The following KIF13B variants were observed in gnomAD, a reference collection of about 807,000 sequenced individuals.
KIF13B encodes kinesin family member 13B.
KIF13B carries 127 observed loss-of-function variants against 222.0 expected under a neutral mutation model. The observed-to-expected ratio is 0.57, with a 90% CI of 0.50 to 0.66. KIF13B has a LOEUF of 0.66. Ranked by LOEUF, KIF13B falls within the 30% of genes least tolerant of loss-of-function variation. The pLI, the probability that KIF13B is intolerant of heterozygous loss-of-function variation, is 0.00. For missense variants in KIF13B, 2,173 were observed against 2,379.0 expected, an observed-to-expected ratio of 0.91 and a Z score of 1.80; for synonymous variants, 976 against 919.0, an observed-to-expected ratio of 1.06 and a Z score of -1.12.
chr8:29,091,081 C>T (rs561452815), intron 37 of KIF13B, among the ~76,000 whole-genome samples: 5 of 152,284 alleles, frequency 3.3e-5, no homozygotes, highest in South Asian at 2.1e-4. Flanking sequence ...CAAACCTTTG[C>T]TCATATGTGC....
rs975836913 is a variant in KIF13B at position 29,118,989 on chromosome 8, T to C, written c.3539A>G (p.Asp1180Gly). 6.8e-6 allele frequency: 11 copies of C among 1,613,044 alleles called. No homozygotes were observed. Among genetic ancestry groups the C allele is most frequent in the African/African-American group, 1.3e-5 (1 of 74,886 alleles). ...AAGATTATCCTGAGAGCTGAAATCA[T>C]CAGCTAAAAGCAAAGAAGTTCCATT... ...IPVIFLDLNA[D>G]DFSSQDNLDD... Residue 1180 changes from aspartate to glycine, a missense_variant, in exon 30 of 40, where the codon GAT becomes GGT. By Grantham distance (94) the Asp-to-Gly change is moderately conservative. Transcript: ENST00000524189.
At chr8:29,080,839 C>T (rs1807777184) in intron 37 of KIF13B, among the ~76,000 whole-genome samples, 2 of 152,158 alleles carry the variant, frequency 1.3e-5, no homozygotes, top group Non-Finnish European at 2.9e-5. Context: ...CCTCGAAGGA[C>T]TCAACACCAG....
At position 29,192,018 on chromosome 8, in the gene KIF13B, T is replaced by A. The variant is rs17059764; in HGVS notation, c.163-961A>T. Reference sequence around the variant, plus strand: ...TTTGCAGGTACATCTTAGCAGGGAGTGTTTATTTTATGGTTTACATGATTG... The same window carrying A: ...TTTGCAGGTACATCTTAGCAGGGAGAGTTTATTTTATGGTTTACATGATTG... On this transcript the variant is annotated intron_variant, in intron 3 of 39. Transcript: ENST00000524189. Among the ~76,000 whole-genome samples, 660 of 151,940 alleles carry A rather than the reference T, an allele frequency of 4.3e-3. 5 individuals carry two copies. The highest frequency in any genetic ancestry group is 0.015 in the South Asian group (71 of 4,802).
chr8:29,145,346 G>C (rs1025602961), intron 18 of KIF13B, among the ~76,000 whole-genome samples: 1 of 152,144 alleles, frequency 6.6e-6, no homozygotes, highest in Admixed American at 6.6e-5. Context: ...TGTAATCCTT[G>C]CTATCAAATT....
chr8:29,169,302 C>A (rs1173207450), intron 10 of KIF13B, among the ~76,000 whole-genome samples: 1 of 152,128 alleles, frequency 6.6e-6, no homozygotes, highest in Non-Finnish European at 1.5e-5. Flanking sequence ...TGCACTCTGC[C>A]TAAAAATCTA....
At chr8:29,125,371 T>C (rs1810062425) in intron 26 of KIF13B, among the ~76,000 whole-genome samples, 1 of 152,208 alleles carries the variant, frequency 6.6e-6, no homozygotes, top group Non-Finnish European at 1.5e-5. Flanking sequence ...TGGGCTTTAC[T>C]AGGGCACTTA....
At chr8:29,230,942 C>T (rs1400810504) in intron 2 of KIF13B, among the ~76,000 whole-genome samples, 1 of 152,212 alleles carries the variant, frequency 6.6e-6, no homozygotes, top group South Asian at 2.1e-4. Context: ...TGCAATCACA[C>T]CATCACGGCT....
intron 3 of KIF13B, among the ~76,000 whole-genome samples, chr8:29,193,840 C>T (rs1439627361): frequency 2.0e-5 from 3 of 152,106 alleles, no homozygotes; most frequent in African/African-American, 4.8e-5. Flanking sequence ...TTTTTTGAGA[C>T]GGAGTCTCGC....
At chr8:29,209,204 G>A (rs1457799152) in intron 2 of KIF13B, among the ~76,000 whole-genome samples, 1 of 152,158 alleles carries the variant, frequency 6.6e-6, no homozygotes, top group African/African-American at 2.4e-5. Context: ...AAAACCAGAT[G>A]AGAGGCACCA....
chr8:29,125,139 T>C (rs1322070962), intron 26 of KIF13B, among the ~76,000 whole-genome samples: 1 of 152,218 alleles, frequency 6.6e-6, no homozygotes, highest in Non-Finnish European at 1.5e-5. Context: ...GCTTTCTATA[T>C]GTCAAAACAG....
intron 23 of KIF13B, among the ~76,000 whole-genome samples, chr8:29,132,009 G>T (rs1810365160): frequency 6.6e-6 from 1 of 152,214 alleles, no homozygotes; most frequent in South Asian, 2.1e-4. Flanking sequence ...CACTTTGGGA[G>T]GGTGAGGTGG....
intron 2 of KIF13B, among the ~76,000 whole-genome samples, chr8:29,213,051 T>C (rs1472701547): frequency 6.6e-6 from 1 of 152,096 alleles, no homozygotes. Context: ...TACTCTGCAC[T>C]AAGAGTAAGC....
chr8:29,098,934 G>C (rs1295729306), intron 36 of KIF13B, among the ~76,000 whole-genome samples, 199 bp downstream of exon 36: 3 of 152,178 alleles, frequency 2.0e-5, no homozygotes, highest in Non-Finnish European at 2.9e-5. Context: ...ATCATGATCA[G>C]GCGGTATATA....
chr8:29,156,169 C>A (rs1355708250), intron 13 of KIF13B, among the ~76,000 whole-genome samples: 1 of 152,094 alleles, frequency 6.6e-6, no homozygotes, highest in African/African-American at 2.4e-5. Context: ...CAGGGTTTCA[C>A]CATGTTGGCC....
chr8:29,248,562 CCAG>C (rs959897983), intron 1 of KIF13B, among the ~76,000 whole-genome samples: 9 of 152,154 alleles, frequency 5.9e-5, no homozygotes, highest in Non-Finnish European at 7.3e-5. Context: ...CCTTATAAAA[CCAG>C]CAGATCTCGT....
At chr8:29,172,515 T>C (rs886541172) in intron 10 of KIF13B, among the ~76,000 whole-genome samples, 4 of 152,224 alleles carry the variant, frequency 2.6e-5, no homozygotes, top group African/African-American at 9.7e-5. Context: ...TAAAAAATGT[T>C]ATGGTTTCAT....
intron 2 of KIF13B, among the ~76,000 whole-genome samples, chr8:29,196,754 C>T (rs1266247612): frequency 1.3e-5 from 2 of 152,090 alleles, no homozygotes; most frequent in Non-Finnish European, 2.9e-5. Flanking sequence ...TTTTGGGTTT[C>T]GTATTTTTTC....
At position 29,154,188 on chromosome 8, in the gene KIF13B, G is replaced by A. The variant is rs151021359; in HGVS notation, c.1535+1538C>T. ...AAAGATTAGGTGGGTGTGGTAACAC[G>A]CACCTGTAGTCCCAGCTACTCAGCA... On this transcript the variant is annotated intron_variant, in intron 14 of 39. Coordinates refer to ENST00000524189, the MANE Select transcript of KIF13B (RefSeq NM_015254.4). 6.5e-3 allele frequency among the ~76,000 whole-genome samples: 993 copies of A among 152,208 alleles called. 14 individuals carry two copies. Among genetic ancestry groups the A allele is most frequent in the African/African-American group, 0.022 (903 of 41,542 alleles).
chr8:29,249,035 A>C (rs1563826224), intron 1 of KIF13B, among the ~76,000 whole-genome samples: 1 of 152,156 alleles, frequency 6.6e-6, no homozygotes, highest in Non-Finnish European at 1.5e-5. Flanking sequence ...GTTTTAAAAA[A>C]GTAAAGACCA....
Sources: gnomAD v4.1 joint callset for allele counts (sites outside exome capture counted in the v4.1 genomes callset) on GRCh38, gnomAD v4.1.1 for gene constraint, MANE v1.5 for transcripts, NCBI Gene and HGNC (gene_info 2026-07-23, HGNC 2026-07-21) for gene names.